MAD1L1: variants seen among roughly 807,000 people sequenced by gnomAD.
The protein encoded by MAD1L1 is mitotic spindle assembly checkpoint protein MAD1.
Under a neutral mutation model 96.9 loss-of-function variants are expected in MAD1L1, and 95 were observed. The ratio of observed to expected loss-of-function variants is 0.98; its 90% CI spans 0.83 to 1.16. MAD1L1 has a LOEUF of 1.16. MAD1L1 is among the 50% of genes most tolerant of loss of function. The probability of loss-of-function intolerance (pLI) is 0.00; values close to 1 mark genes in which losing one functional copy is unlikely to be tolerated. For synonymous variants in MAD1L1, 473 were observed against 396.6 expected (o/e 1.19, Z -2.29); for missense variants, 1,007 against 954.4 (o/e 1.06, Z -0.73).
In MAD1L1 at chr7:1,863,253, G is replaced by A. The variant is rs367927290; in HGVS notation, c.1998+34947C>T. On this transcript the variant is annotated intron_variant, in intron 18 of 18. Transcript: ENST00000265854. ...CCAGGGCGGGGTGAATGCCGGGTGCGGCTCATCAGGCCCGAGAGGGCAGGG... is the reference window on the plus strand; with the variant it reads ...CCAGGGCGGGGTGAATGCCGGGTGCAGCTCATCAGGCCCGAGAGGGCAGGG... Among the ~76,000 whole-genome samples, 108 of 152,388 alleles carry A rather than the reference G, an allele frequency of 7.1e-4. 2 individuals carry two copies. The highest frequency in any genetic ancestry group is 2.5e-3 in the African/African-American group (106 of 41,596).
intron 16 of MAD1L1, among the ~76,000 whole-genome samples, chr7:1,942,746 G>A (rs542338199): frequency 3.5e-4 from 53 of 152,284 alleles, no homozygotes; most frequent in Admixed American, 1.5e-3. Context: ...TACAATCCCA[G>A]GACTCAGCCG....
Position 2,217,811 on chromosome 7 carries a change from TGGTGCCCAGCAC to T in MAD1L1, c.678+139_678+150del, listed in dbSNP as rs1220450843. ...TCTGCCTCATTCACCATGGCATCCC[TGGTGCCCAGCAC>T]AGTGCCCAACACACAGGGCAGCAGC... On this transcript the variant is annotated intron_variant, in intron 7 of 18. Transcript: ENST00000265854. 4 of 674,776 alleles carry T rather than the reference TGGTGCCCAGCAC, an allele frequency of 5.9e-6. No individual in the cohort carries two copies. The African/African-American group carries it at 7.1e-5, about 12-fold the overall frequency. 41.8% of individuals were successfully genotyped at this position (674,776 alleles called of 1,614,324 possible). A position where few individuals can be genotyped will look rare whatever the true frequency, so the allele number is the denominator to read the frequency against.
In MAD1L1 at chr7:1,888,628, G is replaced by A. The variant is rs569402326; in HGVS notation, c.1998+9572C>T. ...CCTATGCATGTGTGAGCATGCATGC[G>A]TGCATGTGGATGCCTGTGTGTGCGC... is the stretch of plus-strand genomic sequence containing the variant. On this transcript the variant is annotated intron_variant, in intron 18 of 18. Coordinates refer to ENST00000265854, the MANE Select transcript of MAD1L1 (RefSeq NM_001013836.2). Among the ~76,000 whole-genome samples, 122 of 152,202 alleles carry A rather than the reference G, an allele frequency of 8.0e-4. 1 individual carries two copies. Among genetic ancestry groups the A allele is most frequent in the Middle Eastern group, 3.4e-3 (1 of 294 alleles).
intron 12 of MAD1L1, among the ~76,000 whole-genome samples, chr7:2,041,837 G>C (rs1455702844): frequency 6.6e-6 from 1 of 152,122 alleles, no homozygotes; most frequent in Non-Finnish European, 1.5e-5. Context: ...GCCCACAGGG[G>C]GGAGGGATAC....
chr7:1,911,252 C>T (rs1180199541), intron 17 of MAD1L1, among the ~76,000 whole-genome samples: 2 of 152,094 alleles, frequency 1.3e-5, no homozygotes, highest in African/African-American at 4.8e-5. Context: ...TCCCTGGCAC[C>T]ACCTCTGCTC....
chr7:1,912,473 C>T (rs1353865386), intron 17 of MAD1L1, among the ~76,000 whole-genome samples: 5 of 152,318 alleles, frequency 3.3e-5, no homozygotes, highest in South Asian at 4.1e-4. Context: ...AGGCCCTGCA[C>T]GGAGATGCCA....
chr7:1,830,699 C>T (rs192385917), intron 18 of MAD1L1, among the ~76,000 whole-genome samples: 19 of 152,074 alleles, frequency 1.2e-4, no homozygotes, highest in African/African-American at 3.4e-4. Context: ...TCGTATCATT[C>T]GAGGATGACT....
chr7:2,229,747 C>T (rs1350295686), intron 3 of MAD1L1, among the ~76,000 whole-genome samples: 1 of 152,266 alleles, frequency 6.6e-6, no homozygotes, highest in African/African-American at 2.4e-5. Flanking sequence ...TGCTGAGCGC[C>T]AGGCCCACTC....
chr7:2,158,361 C>T (rs930521237), intron 10 of MAD1L1, among the ~76,000 whole-genome samples: 8 of 152,102 alleles, frequency 5.3e-5, no homozygotes, highest in Non-Finnish European at 8.8e-5. Context: ...CAGAGGACTC[C>T]GAGGTGGAAA....
At chr7:1,823,006 G>A (rs925844794) in intron 18 of MAD1L1, among the ~76,000 whole-genome samples, 3 of 152,046 alleles carry the variant, frequency 2.0e-5, no homozygotes, top group African/African-American at 7.2e-5. Context: ...GTGACCAAGT[G>A]GGACTTCGTT....
chr7:1,871,154 G>A (rs1303704327), intron 18 of MAD1L1, among the ~76,000 whole-genome samples: 47 of 62,718 alleles, frequency 7.5e-4, no homozygotes, highest in Non-Finnish European at 1.2e-3. Flanking sequence ...ACGCTGAACC[G>A]ACCATAACAC....
chr7:1,932,416 G>A (rs984897482), intron 17 of MAD1L1, among the ~76,000 whole-genome samples: 1 of 152,226 alleles, frequency 6.6e-6, no homozygotes, highest in Non-Finnish European at 1.5e-5. Context: ...CCAGCTTCCT[G>A]AGAGACGGTG....
rs1428641288 is a variant in MAD1L1, at chr7:2,216,188, T to G, written c.778A>C (p.Lys260Gln). ...VRLPRLEREL[K>Q]QLREESAHLR... Reference sequence around the variant, plus strand: ...TGCGCGCTCTCCTCCCGCAGCTGCTTCAGCTCCCGTTCCAGCCTAGGGAGC... The same window carrying G: ...TGCGCGCTCTCCTCCCGCAGCTGCTGCAGCTCCCGTTCCAGCCTAGGGAGC... The change falls in exon 8 of 19, where the codon AAG (lysine) becomes CAG (glutamine). Residue 260 changes from lysine to glutamine, a missense_variant. Coordinates refer to ENST00000265854, the MANE Select transcript of MAD1L1 (RefSeq NM_001013836.2). 2.5e-6 allele frequency: 4 copies of G among 1,613,742 alleles called. No individual in the cohort carries two copies. The highest frequency in any genetic ancestry group is 3.4e-6 in the Non-Finnish European group (4 of 1,180,002).
At chr7:2,179,934 G>A (rs1791117986) in intron 10 of MAD1L1, among the ~76,000 whole-genome samples, 1 of 151,192 alleles carries the variant, frequency 6.6e-6, no homozygotes, top group Admixed American at 6.6e-5. Context: ...TCGTGCCACT[G>A]CACTCCAGAC....
At chr7:1,993,496 G>A (rs1562590810) in intron 14 of MAD1L1, among the ~76,000 whole-genome samples, 2 of 152,314 alleles carry the variant, frequency 1.3e-5, no homozygotes, top group South Asian at 2.1e-4. Flanking sequence ...CACACTCTGA[G>A]GCTCTGCTAG....
intron 18 of MAD1L1, among the ~76,000 whole-genome samples, chr7:1,888,073 G>A (rs1042722967): frequency 6.7e-6 from 1 of 149,712 alleles, no homozygotes; most frequent in East Asian, 2.0e-4. Context: ...GTGGGTGGCT[G>A]TGCATGCATG....
chr7:2,097,038 AACGCACC>A (rs1786528982), intron 11 of MAD1L1, among the ~76,000 whole-genome samples: 1 of 152,092 alleles, frequency 6.6e-6, no homozygotes, highest in South Asian at 2.1e-4. Context: ...GGTTATGATA[AACGCACC>A]ACGGGTATCC....
chr7:2,126,546 G>A lies in MAD1L1; in HGVS notation c.1073+22606C>T, dbSNP rs1025016678. ...ACAGCCCAGGCCAGGCACAATGATT[G>A]TGCACCATATGGCCACTAAGAATCG... On this transcript the variant is annotated intron_variant, in intron 11 of 18. Transcript: ENST00000265854. Among the ~76,000 whole-genome samples, 8 of 152,248 alleles carry A rather than the reference G, an allele frequency of 5.3e-5. No individual in the cohort carries two copies. The East Asian group carries it at 5.8e-4, about 11-fold the overall frequency.
chr7:2,214,154 T>C (rs1793135805), intron 9 of MAD1L1, among the ~76,000 whole-genome samples: 1 of 151,962 alleles, frequency 6.6e-6, no homozygotes, highest in South Asian at 2.1e-4. Context: ...CCAGCACCAC[T>C]CCTCCCTGTG....
Sources: gnomAD v4.1 joint callset for allele counts (sites outside exome capture counted in the v4.1 genomes callset) on GRCh38, gnomAD v4.1.1 for gene constraint, MANE v1.5 for transcripts, NCBI Gene and HGNC (gene_info 2026-07-23, HGNC 2026-07-21) for gene names.